Variants in KLHL32 observed in about 807,000 individuals in gnomAD.
The protein encoded by KLHL32 is kelch-like protein 32.
In KLHL32, 35 loss-of-function variants were observed where a neutral mutation model predicts 64.8. The observed-to-expected ratio is 0.54, with a 90% CI of 0.41 to 0.72. KLHL32 has a LOEUF of 0.72. KLHL32 is among the 30% of genes least tolerant of loss of function. The pLI is 0.00. For missense variants in KLHL32, 589 were observed against 768.5 expected (o/e 0.77, Z 2.76); for synonymous variants, 259 against 281.0 (o/e 0.92, Z 0.78).
At chr6:97,078,920 C>T (rs867652238) in intron 5 of KLHL32, among the ~76,000 whole-genome samples, 1 of 152,150 alleles carries the variant, frequency 6.6e-6, no homozygotes, top group Non-Finnish European at 1.5e-5. Flanking sequence ...AGCCAGGGAG[C>T]CACGGCGGTA....
intron 6 of KLHL32, among the ~76,000 whole-genome samples, chr6:97,092,054 A>G (rs1378159050): frequency 6.7e-6 from 1 of 148,882 alleles, no homozygotes; most frequent in Non-Finnish European, 1.5e-5. Flanking sequence ...CAATGGCACG[A>G]TCTCAGCTCA....
chr6:97,098,757 T>C (rs1795319188), intron 6 of KLHL32, among the ~76,000 whole-genome samples: 3 of 152,202 alleles, frequency 2.0e-5, no homozygotes, highest in African/African-American at 7.2e-5. Context: ...CTCACTGCAG[T>C]ACACCACAAA....
intron 3 of KLHL32, among the ~76,000 whole-genome samples, chr6:97,023,286 C>T (rs1782267794): frequency 2.0e-5 from 3 of 152,162 alleles, no homozygotes; most frequent in African/African-American, 7.2e-5. Context: ...AAAGATCTTT[C>T]CCCTCTGGGG....
chr6:97,124,424 A>T (rs1361578572), intron 7 of KLHL32, among the ~76,000 whole-genome samples: 1 of 152,254 alleles, frequency 6.6e-6, no homozygotes, highest in Non-Finnish European at 1.5e-5. Flanking sequence ...AATGTATTAT[A>T]GATGCATTTG....
At chr6:96,992,611 C>G (rs979947665) in intron 3 of KLHL32, among the ~76,000 whole-genome samples, 1 of 152,162 alleles carries the variant, frequency 6.6e-6, no homozygotes, top group African/African-American at 2.4e-5. Context: ...AATACGTGCG[C>G]GCATGTGAGT....
At chr6:96,939,337 G>A (rs1171346827) in intron 1 of KLHL32, among the ~76,000 whole-genome samples, 2 of 152,206 alleles carry the variant, frequency 1.3e-5, no homozygotes, top group African/African-American at 2.4e-5. Flanking sequence ...TATGCCAAAG[G>A]CTGATGAGTC....
At chr6:96,906,101 C>T in the KLHL32 span, among the ~76,000 whole-genome samples, 217 of 152,222 alleles carry the variant, frequency 1.4e-3, no homozygotes, top group African/African-American at 4.5e-3. Context: ...AATCCTCTGC[C>T]GAGTTTCATT....
chr6:97,056,299 G>A (rs1419469521), intron 4 of KLHL32, among the ~76,000 whole-genome samples: 4 of 151,832 alleles, frequency 2.6e-5, no homozygotes, highest in African/African-American at 7.3e-5. Flanking sequence ...TAGAGTCGGG[G>A]TTTCACCATG....
intron 6 of KLHL32, among the ~76,000 whole-genome samples, chr6:97,085,626 GT>G (rs1186063125): frequency 6.6e-6 from 1 of 152,150 alleles, no homozygotes; most frequent in East Asian, 1.9e-4. Flanking sequence ...GTCAAGGGAT[GT>G]TTTTTTCCTG....
intron 3 of KLHL32, among the ~76,000 whole-genome samples, chr6:96,986,011 C>T (rs1777009635): frequency 6.6e-6 from 1 of 152,060 alleles, no homozygotes; most frequent in Non-Finnish European, 1.5e-5. Context: ...ATTTATCTAC[C>T]TTTGGTCTTT....
At chr6:97,053,727 T>A (rs530352617) in intron 4 of KLHL32, among the ~76,000 whole-genome samples, 29 of 151,980 alleles carry the variant, frequency 1.9e-4, no homozygotes, top group African/African-American at 6.3e-4. Context: ...TTGTTTTTTT[T>A]AATTTATATA....
chr6:97,069,029 G>T, intron 5 of KLHL32, among the ~76,000 whole-genome samples: 1 of 149,164 alleles, frequency 6.7e-6, no homozygotes, highest in Non-Finnish European at 1.5e-5. Flanking sequence ...AAACAGAGAA[G>T]GGGGGGGTCT....
chr6:97,112,768 A>T lies in KLHL32; in HGVS notation c.628-1015A>T, dbSNP rs567221020. 1.4e-3 allele frequency among the ~76,000 whole-genome samples: 206 copies of T among 150,410 alleles called. 3 individuals are homozygous for T. The highest frequency in any genetic ancestry group is 4.9e-3 in the African/African-American group (201 of 40,652). On this transcript the variant is annotated intron_variant, in intron 6 of 10. Coordinates refer to ENST00000369261, the MANE Select transcript of KLHL32 (RefSeq NM_052904.4). ...CCCTGATGAATTTTTTTAATTTTAA[A>T]AAAAAAAAGGAGAATTTCTTAAAAC...
chr6:97,090,576 C>T (rs1484308673), intron 6 of KLHL32, among the ~76,000 whole-genome samples: 1 of 152,234 alleles, frequency 6.6e-6, no homozygotes, highest in Non-Finnish European at 1.5e-5. Context: ...GTGATGTACT[C>T]AGCTTTCATC....
At chr6:97,060,552 T>G (rs1788709448) in intron 4 of KLHL32, among the ~76,000 whole-genome samples, 1 of 152,112 alleles carries the variant, frequency 6.6e-6, no homozygotes, top group Non-Finnish European at 1.5e-5. Flanking sequence ...CAGGTCCCAT[T>G]CTCCTCCTCT....
chr6:97,076,376 C>G, intron 5 of KLHL32, among the ~76,000 whole-genome samples: 1 of 152,206 alleles, frequency 6.6e-6, no homozygotes, highest in Non-Finnish European at 1.5e-5. Flanking sequence ...TGTTGAGCAT[C>G]TACTATGTAG....
chr6:96,918,884 A>G, the KLHL32 span, among the ~76,000 whole-genome samples: 29,734 of 152,180 alleles, frequency 0.2, 3,241 homozygotes, highest in Non-Finnish European at 0.25. Context: ...AAATTCCTCA[A>G]TTAAGTCTAC....
intron 3 of KLHL32, among the ~76,000 whole-genome samples, chr6:97,009,791 A>G (rs1780135936): frequency 6.6e-6 from 1 of 152,228 alleles, no homozygotes; most frequent in African/African-American, 2.4e-5. Context: ...TTTAAAAAGC[A>G]CGTGAGGGTC....
At chr6:96,945,809 G>T (rs951134437) in intron 1 of KLHL32, among the ~76,000 whole-genome samples, 1 of 152,100 alleles carries the variant, frequency 6.6e-6, no homozygotes, top group Non-Finnish European at 1.5e-5. Flanking sequence ...CCTGGGCCCC[G>T]TTGGTGTCTA....
Sources: gnomAD v4.1 joint callset for allele counts (sites outside exome capture counted in the v4.1 genomes callset) on GRCh38, gnomAD v4.1.1 for gene constraint, MANE v1.5 for transcripts, NCBI Gene and HGNC (gene_info 2026-07-23, HGNC 2026-07-21) for gene names.